Variants in CD2AP observed in about 807,000 individuals in gnomAD.
CD2AP encodes the protein CD2 associated protein, also known as CD2-associated protein.
A neutral mutation model predicts 85.1 loss-of-function variants in CD2AP; 46 were observed. That is an observed-to-expected ratio of 0.54 (90% confidence interval 0.43 to 0.69). The LOEUF (loss-of-function observed/expected upper bound fraction) is 0.69, where lower values mean the gene tolerates loss of function less well. Ranked by LOEUF, CD2AP falls within the 30% of genes least tolerant of loss-of-function variation. The pLI is 0.00. For synonymous variants in CD2AP, 255 were observed against 252.9 expected, an observed-to-expected ratio of 1.01 and a Z score of -0.08; for missense variants, 769 against 729.5, an observed-to-expected ratio of 1.05 and a Z score of -0.62.
intron 11 of CD2AP, among the ~76,000 whole-genome samples, chr6:47,588,810 A>G (rs891899633): frequency 1.3e-5 from 2 of 152,140 alleles, no homozygotes; most frequent in African/African-American, 4.8e-5. Flanking sequence ...TTTCTTGTCC[A>G]TTTGACAGAA....
intron 1 of CD2AP, among the ~76,000 whole-genome samples, chr6:47,487,796 CTTATT>C (rs1213295325): frequency 6.6e-6 from 1 of 152,134 alleles, no homozygotes; most frequent in African/African-American, 2.4e-5. Flanking sequence ...GACCATATCA[CTTATT>C]TTATTGTATT....
intron 5 of CD2AP, among the ~76,000 whole-genome samples, chr6:47,555,318 TAC>T (rs923344665): frequency 6.6e-6 from 1 of 152,226 alleles, no homozygotes; most frequent in African/African-American, 2.4e-5. Context: ...TAAATTTTGT[TAC>T]TTTTAAGAAT....
At chr6:47,483,794 T>TA (rs939487254) in intron 1 of CD2AP, among the ~76,000 whole-genome samples, 5 of 147,488 alleles carry the variant, frequency 3.4e-5, no homozygotes, top group South Asian at 2.1e-4. Context: ...ATGTGCCTGT[T>TA]TTTTTTTTTT....
intron 2 of CD2AP, among the ~76,000 whole-genome samples, chr6:47,511,580 A>C (rs561879995): frequency 7.0e-4 from 106 of 152,294 alleles, no homozygotes; most frequent in Non-Finnish European, 1.2e-3. Flanking sequence ...ATTAGGCAAA[A>C]CTGAATTAAG....
intron 5 of CD2AP, among the ~76,000 whole-genome samples, chr6:47,564,139 C>T (rs1057068447): frequency 6.6e-5 from 10 of 152,016 alleles, no homozygotes; most frequent in African/African-American, 2.4e-4. Flanking sequence ...GTGTAAAAAC[C>T]ATTAGAGAAC....
At chr6:47,551,096 G>T (rs1021294790) in intron 4 of CD2AP, among the ~76,000 whole-genome samples, 1 of 152,060 alleles carries the variant, frequency 6.6e-6, no homozygotes, top group African/African-American at 2.4e-5. Flanking sequence ...TACTCCTCAG[G>T]TGATGGGTGC....
intron 5 of CD2AP, among the ~76,000 whole-genome samples, chr6:47,555,263 C>T (rs1208641757): frequency 1.3e-5 from 2 of 152,084 alleles, no homozygotes; most frequent in Non-Finnish European, 2.9e-5. Flanking sequence ...AATTTGCTCA[C>T]CATTTAAGAG....
chr6:47,618,631 C>G (rs1345032941), intron 17 of CD2AP, among the ~76,000 whole-genome samples: 2 of 151,940 alleles, frequency 1.3e-5, no homozygotes, highest in African/African-American at 4.8e-5. Flanking sequence ...TGACTTTTTT[C>G]TTACATTTTA....
At chr6:47,538,385 G>T (rs763872139) in intron 3 of CD2AP, among the ~76,000 whole-genome samples, 1 of 151,958 alleles carries the variant, frequency 6.6e-6, no homozygotes, top group South Asian at 2.1e-4. Flanking sequence ...GGGATTACAG[G>T]CGTGCACCAC....
intron 14 of CD2AP, among the ~76,000 whole-genome samples, chr6:47,606,854 CA>C (rs1430312925): frequency 1.3e-5 from 2 of 151,926 alleles, no homozygotes; most frequent in Non-Finnish European, 2.9e-5. Context: ...TTTAAGTGTA[CA>C]ATTAAATTAT....
At chr6:47,514,224 G>T (rs968092055) in intron 2 of CD2AP, among the ~76,000 whole-genome samples, 4 of 151,862 alleles carry the variant, frequency 2.6e-5, no homozygotes, top group African/African-American at 9.7e-5. Flanking sequence ...TTTGTGTTTA[G>T]TATGATTAAA....
In CD2AP at chr6:47,582,242, T is replaced by A. The variant is rs1768500446; in HGVS notation, c.1108+177T>A. The A allele has an allele frequency of 3.2e-5, 18 of 554,636 alleles. No homozygotes were observed. The South Asian group carries it at 3.9e-4, about 12-fold the overall frequency. The allele number at this position is 554,636 out of a possible 1,614,324, so 34.4% of individuals were successfully genotyped here. On this transcript the variant is annotated intron_variant, in intron 11 of 17. Coordinates refer to ENST00000359314, the MANE Select transcript of CD2AP (RefSeq NM_012120.3). ...GTTCATTTCTCAAACAGATAACAATTTACATTCATTAAAAAATTAAACTAT... is the reference window on the plus strand; with the variant it reads ...GTTCATTTCTCAAACAGATAACAATATACATTCATTAAAAAATTAAACTAT...
chr6:47,615,817 A>G (rs1456269112), intron 17 of CD2AP, among the ~76,000 whole-genome samples: 1 of 148,832 alleles, frequency 6.7e-6, no homozygotes, highest in Non-Finnish European at 1.5e-5. Flanking sequence ...TTATTTATTT[A>G]TTTATTTATT....
intron 17 of CD2AP, among the ~76,000 whole-genome samples, chr6:47,616,019 G>C (rs937721705): frequency 6.8e-6 from 1 of 146,816 alleles, no homozygotes; most frequent in African/African-American, 2.5e-5. Flanking sequence ...TCCTGACCTT[G>C]TGATTCGCCC....
intron 13 of CD2AP, among the ~76,000 whole-genome samples, chr6:47,600,309 CTT>C (rs1193451510): frequency 6.6e-6 from 1 of 151,792 alleles, no homozygotes; most frequent in African/African-American, 2.4e-5. Context: ...TTTAAGAAAT[CTT>C]AATATTCTAA....
intron 2 of CD2AP, among the ~76,000 whole-genome samples, chr6:47,517,091 G>T (rs1473435243): frequency 2.6e-5 from 4 of 152,008 alleles, no homozygotes; most frequent in Non-Finnish European, 4.4e-5. Context: ...TTCTCACCCA[G>T]TTCACTTGGG....
intron 14 of CD2AP, 147 bp downstream of exon 14, chr6:47,606,424 T>C (rs1314919836): frequency 1.0e-5 from 7 of 667,578 alleles, no homozygotes; most frequent in African/African-American, 3.6e-5. Flanking sequence ...TTTAAGGAGA[T>C]AGAGGGAGAG....
intron 2 of CD2AP, among the ~76,000 whole-genome samples, chr6:47,522,015 C>CAA (rs36100742): frequency 2.7e-4 from 38 of 143,312 alleles, no homozygotes; most frequent in Admixed American, 4.9e-4. Context: ...AACTCTGCCT[C>CAA]AAAAAAAAAA....
intron 1 of CD2AP, among the ~76,000 whole-genome samples, chr6:47,482,766 A>T (rs1350996569): frequency 6.6e-6 from 1 of 152,128 alleles, no homozygotes; most frequent in Non-Finnish European, 1.5e-5. Context: ...TAAATAGAAA[A>T]CTCAAAGTGC....
Sources: gnomAD v4.1 joint callset for allele counts (sites outside exome capture counted in the v4.1 genomes callset) on GRCh38, gnomAD v4.1.1 for gene constraint, MANE v1.5 for transcripts, NCBI Gene and HGNC (gene_info 2026-07-23, HGNC 2026-07-21) for gene names.